The following TLL2 variants were observed in gnomAD, a reference collection of about 807,000 sequenced individuals.
TLL2 encodes the protein tolloid like 2.
In TLL2, 106 loss-of-function variants were observed where a neutral mutation model predicts 123.0. That is an observed-to-expected ratio of 0.86 (90% CI 0.74 to 1.01). The LOEUF is 1.01. Among genes scored for constraint, TLL2 ranks in the 50% least tolerant of loss-of-function variants. The pLI is 0.00. For missense variants in TLL2, 1,332 were observed against 1,336.7 expected (o/e 1.00, Z 0.06); for synonymous variants, 494 against 516.8 (o/e 0.96, Z 0.60).
Position 96,428,684 on chromosome 10 carries a change from GA to G in TLL2, c.584del (p.Phe195SerfsTer2). On this transcript the variant is annotated frameshift_variant, in exon 5 of 21. Transcript: ENST00000357947. LOFTEE classifies it high-confidence loss of function. The part of the protein sequence containing the change: ...RHWEKHTCVT[F>X]IERTDEESFI... ...AGCTTTCCTCATCCGTCCTTTCTAT[GA>G]AGGTCACACAGGTGTGCTTCTCCCA... 1.2e-6 allele frequency: 2 copies of G among 1,614,064 alleles called. No homozygotes were observed. The highest frequency in any genetic ancestry group is 1.7e-6 in the Non-Finnish European group (2 of 1,179,960).
intron 1 of TLL2, among the ~76,000 whole-genome samples, chr10:96,493,791 AC>A (rs1297933027): frequency 2.6e-5 from 4 of 152,146 alleles, no homozygotes; most frequent in Non-Finnish European, 5.9e-5. Context: ...CCTGGCACTG[AC>A]CTTCAGAACA....
intron 2 of TLL2, among the ~76,000 whole-genome samples, chr10:96,465,795 G>C (rs1291449989): frequency 1.3e-5 from 2 of 152,170 alleles, no homozygotes; most frequent in East Asian, 1.9e-4. Context: ...GGAGTGGTGG[G>C]GACTGCGGCT....
intron 7 of TLL2, 100 bp downstream of exon 7, chr10:96,420,856 A>G (rs3789951): frequency 0.34 from 326,196 of 969,500 alleles, 56,809 homozygotes; most frequent in Non-Finnish European, 0.36. Flanking sequence ...GCCGTGCTAG[A>G]AGCATGCAGA....
chr10:96,455,699 A>G (rs1473361468), intron 2 of TLL2, among the ~76,000 whole-genome samples: 1 of 152,246 alleles, frequency 6.6e-6, no homozygotes, highest in Non-Finnish European at 1.5e-5. Flanking sequence ...GGCATGAATA[A>G]TCCACCCCTT....
chr10:96,482,528 T>C (rs1847321647), intron 1 of TLL2, among the ~76,000 whole-genome samples: 1 of 152,244 alleles, frequency 6.6e-6, no homozygotes, highest in African/African-American at 2.4e-5. Context: ...GGCTCCAACG[T>C]GTATGAATCT....
chr10:96,395,145 T>G (rs781603868), intron 13 of TLL2, 42 bp downstream of exon 13: 22 of 1,552,376 alleles, frequency 1.4e-5, no homozygotes, highest in Non-Finnish European at 1.8e-5. Context: ...GAGCAATATT[T>G]CTTCTTGTGC....
chr10:96,440,156 T>C (rs966765711), intron 3 of TLL2, among the ~76,000 whole-genome samples: 6 of 152,226 alleles, frequency 3.9e-5, no homozygotes, highest in Admixed American at 1.3e-4. Flanking sequence ...TATTCTAATT[T>C]GCTATTCCAG....
At chr10:96,369,843 T>C (rs942308421) in intron 20 of TLL2, among the ~76,000 whole-genome samples, 1 of 151,956 alleles carries the variant, frequency 6.6e-6, no homozygotes, top group African/African-American at 2.4e-5. Context: ...CTTCCATGGC[T>C]GGCCTCAGTA....
rs775091997 is a variant in TLL2, at chr10:96,379,010, T to TC, written c.2276dup (p.Asn760LysfsTer11). On this transcript the variant is annotated frameshift_variant, in exon 17 of 21. Coordinates refer to ENST00000357947, the MANE Select transcript of TLL2 (RefSeq NM_012465.4). LOFTEE classifies it high-confidence loss of function. ...CATTCTCGTGGAGCCAGTAGCCGTT[T>TC]CTGCACCTGCACAGGTAGCTCCCGA... The TC allele has an allele frequency of 6.2e-7, 1 of 1,614,234 alleles. No individual in the cohort carries two copies. Among genetic ancestry groups the TC allele is most frequent in the East Asian group, 2.2e-5 (1 of 44,890 alleles).
intron 2 of TLL2, among the ~76,000 whole-genome samples, chr10:96,450,838 G>C (rs772996789): frequency 4.0e-5 from 6 of 151,500 alleles, no homozygotes; most frequent in Non-Finnish European, 8.8e-5. Context: ...GGGTGTGATT[G>C]CAAGACAAAA....
intron 9 of TLL2, among the ~76,000 whole-genome samples, chr10:96,410,025 C>T (rs1314848818): frequency 6.6e-6 from 1 of 152,170 alleles, no homozygotes. Context: ...TGGGCTGGCT[C>T]CCCGTGTCAC....
intron 19 of TLL2, chr10:96,373,071 T>A (rs1332913949): frequency 1.3e-5 from 2 of 152,896 alleles, no homozygotes; most frequent in African/African-American, 4.8e-5. Context: ...GGGTTGTCCA[T>A]TTCAAATTGC....
chr10:96,476,240 A>ATATATATATATATATATATATTTTTTTTT, intron 2 of TLL2, among the ~76,000 whole-genome samples: 4 of 20,480 alleles, frequency 2.0e-4, no homozygotes, highest in South Asian at 1.8e-3. Context: ...ATATATATAT[A>ATATATATATATATATATATATTTTTTTTT]TTTTATTTTT....
At chr10:96,421,925 G>A (rs1846628116) in intron 6 of TLL2, among the ~76,000 whole-genome samples, 1 of 152,166 alleles carries the variant, frequency 6.6e-6, no homozygotes, top group Admixed American at 6.5e-5. Context: ...AGAGAGTTAA[G>A]TTCAATCCTA....
At chr10:96,506,280 A>T in intron 1 of TLL2, among the ~76,000 whole-genome samples, 1 of 149,434 alleles carries the variant, frequency 6.7e-6, no homozygotes, top group Non-Finnish European at 1.5e-5. Flanking sequence ...AAAAAAAAAG[A>T]AAAAAGGAAA....
chr10:96,434,346 T>C (rs974667421), intron 3 of TLL2, among the ~76,000 whole-genome samples: 5 of 152,192 alleles, frequency 3.3e-5, no homozygotes, highest in Non-Finnish European at 5.9e-5. Context: ...TAACAGTCAC[T>C]CCCCATCTCT....
chr10:96,503,232 G>C (rs1847551100), intron 1 of TLL2, among the ~76,000 whole-genome samples: 1 of 152,126 alleles, frequency 6.6e-6, no homozygotes, highest in Non-Finnish European at 1.5e-5. Flanking sequence ...TCACAGGCCA[G>C]TGAGGTTGTT....
intron 1 of TLL2, 80 bp downstream of exon 1, chr10:96,513,431 C>A: frequency 6.4e-7 from 1 of 1,571,738 alleles, no homozygotes; most frequent in Non-Finnish European, 8.7e-7. Flanking sequence ...GCCCCATAGA[C>A]GGTAGTGCAG....
At chr10:96,510,772 G>A (rs536541381) in intron 1 of TLL2, among the ~76,000 whole-genome samples, 1 of 152,310 alleles carries the variant, frequency 6.6e-6, no homozygotes, top group African/African-American at 2.4e-5. Flanking sequence ...AAGAGGTTGG[G>A]CTAGAACCAA....
Sources: gnomAD v4.1 joint callset for allele counts (sites outside exome capture counted in the v4.1 genomes callset) on GRCh38, gnomAD v4.1.1 for gene constraint, MANE v1.5 for transcripts, NCBI Gene and HGNC (gene_info 2026-07-23, HGNC 2026-07-21) for gene names.